Variants in EFCAB9 observed in about 807,000 individuals in gnomAD.
The protein encoded by EFCAB9 is EF-hand calcium binding domain 9, also known as EF-hand calcium-binding domain-containing protein 9.
In EFCAB9, 16 loss-of-function variants were observed where a neutral mutation model predicts 15.6. The observed-to-expected ratio is 1.03, with a 90% CI of 0.69 to 1.56. EFCAB9 has a LOEUF of 1.56. Ranked by LOEUF, EFCAB9 falls within the 40% of genes most tolerant of loss-of-function variation. EFCAB9 has a pLI of 0.00. For synonymous variants in EFCAB9, 76 were observed against 85.4 expected (o/e 0.89, Z 0.61); for missense variants, 208 against 235.4 (o/e 0.88, Z 0.76).
intron 1 of EFCAB9, 146 bp from the exon 2 acceptor site, chr5:172,199,237 G>C (rs1581200675): frequency 5.6e-6 from 6 of 1,072,266 alleles, no homozygotes; most frequent in Non-Finnish European, 6.5e-6. Flanking sequence ...AGAAAGTACA[G>C]TGGCAAAGCC....
At chr5:172,199,150 C>T (rs1046732149) in intron 1 of EFCAB9, among the ~76,000 whole-genome samples, 1 of 152,066 alleles carries the variant, frequency 6.6e-6, no homozygotes, top group South Asian at 2.1e-4. Context: ...CAAGCCCTGT[C>T]CACGATCTCA....
intron 2 of EFCAB9, among the ~76,000 whole-genome samples, 172 bp downstream of exon 2, chr5:172,199,703 G>C (rs144965309): frequency 3.2e-4 from 49 of 152,218 alleles, no homozygotes; most frequent in Non-Finnish European, 6.0e-4. Flanking sequence ...CCCTGAGGCA[G>C]CCCCAGCCTC....
chr5:172,203,194 C>CTT lies in EFCAB9; in HGVS notation c.463-20_463-19insTT, dbSNP rs1561844181. ...GTTTTTCCTGAAATAATTTTTCTTT[C>CTT]CCCCCCACCCTAACCAAAGCGTCTT... On this transcript the variant is annotated intron_variant, in intron 3 of 3. Coordinates refer to ENST00000398186, the MANE Select transcript of EFCAB9 (RefSeq NM_001171183.2). The CTT allele has an allele frequency of 8.3e-6, 11 of 1,317,780 alleles. No homozygotes were observed. The Admixed American group carries it at 2.1e-4, about 25-fold the overall frequency. 81.6% of individuals were successfully genotyped at this position (1,317,780 alleles called of 1,614,324 possible).
At chr5:172,202,546 A>G (rs1771273852) in intron 3 of EFCAB9, among the ~76,000 whole-genome samples, 2 of 152,046 alleles carry the variant, frequency 1.3e-5, no homozygotes, top group African/African-American at 2.4e-5. Context: ...TGTCTCTACT[A>G]AAAATACAAG....
At chr5:172,200,321 C>T (rs548100697) in intron 2 of EFCAB9, among the ~76,000 whole-genome samples, 1 of 152,316 alleles carries the variant, frequency 6.6e-6, no homozygotes, top group South Asian at 2.1e-4. Flanking sequence ...ATTATAGTAA[C>T]TAGGGTTCCG....
intron 1 of EFCAB9, 135 bp downstream of exon 1, chr5:172,194,443 A>G: frequency 8.5e-7 from 1 of 1,177,888 alleles, no homozygotes; most frequent in Non-Finnish European, 1.2e-6. Context: ...TCTATTGCCC[A>G]GGCTGGAGTA....
chr5:172,195,004 G>A (rs1771135378), intron 1 of EFCAB9, among the ~76,000 whole-genome samples: 1 of 151,966 alleles, frequency 6.6e-6, no homozygotes, highest in Admixed American at 6.6e-5. Flanking sequence ...ATAAGTGTTT[G>A]TTATTATTGT....
Position 172,199,366 on chromosome 5 carries a change from C to G in EFCAB9, c.137-17C>G. On this transcript the variant is annotated splice_polypyrimidine_tract_variant and intron_variant, in intron 1 of 3. Coordinates refer to ENST00000398186, the MANE Select transcript of EFCAB9 (RefSeq NM_001171183.2). Reference sequence around the variant, plus strand: ...TATATCCAAATAACACATCTCCTCACCTGCCCACCTTAACAGATGTGCTGT... The same window carrying G: ...TATATCCAAATAACACATCTCCTCAGCTGCCCACCTTAACAGATGTGCTGT... 6.5e-7 allele frequency: 1 copy of G among 1,536,878 alleles called. No homozygotes were observed. Among genetic ancestry groups the G allele is most frequent in the Non-Finnish European group, 8.7e-7 (1 of 1,146,664 alleles).
intron 1 of EFCAB9, 85 bp downstream of exon 1, chr5:172,194,393 T>G: frequency 6.8e-7 from 1 of 1,471,386 alleles, no homozygotes; most frequent in South Asian, 1.4e-5. Flanking sequence ...CAGAAACTAT[T>G]TTGTTAGTAC....
chr5:172,195,771 G>A (rs987101720), intron 1 of EFCAB9, among the ~76,000 whole-genome samples: 2 of 152,158 alleles, frequency 1.3e-5, no homozygotes, highest in Admixed American at 6.6e-5. Context: ...ACTTGGGTGA[G>A]CCAGAGTCCA....
intron 2 of EFCAB9, among the ~76,000 whole-genome samples, chr5:172,200,130 G>A (rs553048821): frequency 6.7e-4 from 102 of 151,806 alleles, no homozygotes; most frequent in South Asian, 2.1e-3. Flanking sequence ...TGTTGGCCAG[G>A]CTGGTCTCAA....
intron 1 of EFCAB9, among the ~76,000 whole-genome samples, chr5:172,196,521 C>T (rs1771164601): frequency 6.6e-6 from 1 of 152,056 alleles, no homozygotes; most frequent in Non-Finnish European, 1.5e-5. Context: ...GGATTACAGG[C>T]ATGCACCACT....
At chr5:172,194,692 C>G (rs1331614903) in intron 1 of EFCAB9, among the ~76,000 whole-genome samples, 2 of 152,176 alleles carry the variant, frequency 1.3e-5, no homozygotes, top group Non-Finnish European at 1.5e-5. Context: ...AGCTACCACA[C>G]CCGGCCTGTT....
chr5:172,203,078 A>G (rs1270044008), intron 3 of EFCAB9, 136 bp from the exon 4 acceptor site: 9 of 853,380 alleles, frequency 1.1e-5, no homozygotes, highest in Non-Finnish European at 1.5e-5. Flanking sequence ...CAATCGGACT[A>G]TAATTATGTC....
intron 1 of EFCAB9, among the ~76,000 whole-genome samples, chr5:172,195,364 G>C (rs1771143254): frequency 6.6e-6 from 1 of 152,064 alleles, no homozygotes; most frequent in Admixed American, 6.6e-5. Flanking sequence ...CGTGAGTAAG[G>C]GGTTCCTCCG....
intron 1 of EFCAB9, among the ~76,000 whole-genome samples, chr5:172,197,086 C>T (rs1771176792): frequency 1.3e-5 from 2 of 151,934 alleles, no homozygotes; most frequent in African/African-American, 4.8e-5. Context: ...CCCAGCTCTG[C>T]CACTTGCTAT....
At chr5:172,201,248 G>A (rs1206868807) in intron 3 of EFCAB9, among the ~76,000 whole-genome samples, 1 of 152,228 alleles carries the variant, frequency 6.6e-6, no homozygotes, top group African/African-American at 2.4e-5. Flanking sequence ...AGTGGCACAT[G>A]CCTGTAATCC....
Position 172,200,571 on chromosome 5 carries a change from T to C in EFCAB9, c.291T>C (p.His97=). The change falls in exon 3 of 4, where the codon CAT becomes CAC. Residue 97 remains histidine, a synonymous_variant. Transcript: ENST00000398186. Reference sequence around the variant, plus strand: ...ACCTATTTCTCTCGCAATAGAACCATTTGGAAGGACAGTTTATGTATCGTC... The same window carrying C: ...ACCTATTTCTCTCGCAATAGAACCACTTGGAAGGACAGTTTATGTATCGTC... The part of the protein sequence containing the change: ...LVCMLLAHQN[H]LEGQFMYRHS... The C allele has an allele frequency of 6.5e-7, 1 of 1,535,708 alleles. No homozygotes were observed. The highest frequency in any genetic ancestry group is 8.7e-7 in the Non-Finnish European group (1 of 1,146,364).
intron 3 of EFCAB9, among the ~76,000 whole-genome samples, chr5:172,201,423 T>C (rs1319498890): frequency 6.6e-6 from 1 of 151,992 alleles, no homozygotes; most frequent in Non-Finnish European, 1.5e-5. Flanking sequence ...GGCAGGTGCC[T>C]GTAATCCCAG....
Sources: allele counts gnomAD v4.1 joint callset (sites outside exome capture counted in the v4.1 genomes callset), GRCh38; gene constraint gnomAD v4.1.1; transcripts MANE v1.5; gene names NCBI Gene and HGNC (gene_info 2026-07-23, HGNC 2026-07-21).